SUGCT: variants seen among roughly 807,000 people sequenced by gnomAD.
SUGCT encodes succinyl-CoA:glutarate CoA-transferase.
In SUGCT, 41 loss-of-function variants were observed where a neutral mutation model predicts 55.0. The ratio of observed to expected loss-of-function variants is 0.74; its 90% CI spans 0.58 to 0.97. SUGCT has a LOEUF of 0.97. Ranked by LOEUF, SUGCT falls within the 50% of genes least tolerant of loss-of-function variation. SUGCT has a pLI of 0.00. For synonymous variants in SUGCT, 187 were observed against 200.4 expected (o/e 0.93, Z 0.56); for missense variants, 568 against 547.8 (o/e 1.04, Z -0.37).
At chr7:40,557,800 A>C (rs1795633915) in intron 12 of SUGCT, among the ~76,000 whole-genome samples, 1 of 151,838 alleles carries the variant, frequency 6.6e-6, no homozygotes, top group Admixed American at 6.6e-5. Context: ...AAAAGAAAAA[A>C]GACACTATCT....
the SUGCT span, among the ~76,000 whole-genome samples, chr7:40,898,262 C>A: frequency 6.6e-6 from 1 of 152,098 alleles, no homozygotes; most frequent in African/African-American, 2.4e-5. Flanking sequence ...TTCAGAGATA[C>A]CACAAACCCA....
chr7:40,630,274 C>G (rs777960246), intron 12 of SUGCT, among the ~76,000 whole-genome samples: 2 of 152,190 alleles, frequency 1.3e-5, no homozygotes, highest in Admixed American at 6.5e-5. Flanking sequence ...TATGAAGTCA[C>G]AACACAGAGG....
chr7:40,893,004 G>A, the SUGCT span, among the ~76,000 whole-genome samples: 6 of 152,156 alleles, frequency 3.9e-5, no homozygotes, highest in African/African-American at 1.2e-4. Flanking sequence ...TAACCAAAAG[G>A]GAGCAGGAGT....
chr7:40,333,678 T>C (rs1371573712), intron 9 of SUGCT, among the ~76,000 whole-genome samples: 2 of 92,404 alleles, frequency 2.2e-5, no homozygotes, highest in Non-Finnish European at 4.2e-5. Flanking sequence ...AATATATATA[T>C]ATATATATAT....
At chr7:40,951,829 A>G in the SUGCT span, among the ~76,000 whole-genome samples, 1 of 151,948 alleles carries the variant, frequency 6.6e-6, no homozygotes, top group Non-Finnish European at 1.5e-5. Context: ...AGTTTGTTAT[A>G]ATTTCTGTTC....
intron 9 of SUGCT, among the ~76,000 whole-genome samples, chr7:40,351,891 A>G (rs954296841): frequency 1.4e-4 from 22 of 152,280 alleles, no homozygotes; most frequent in African/African-American, 4.8e-4. Flanking sequence ...CTAGCTGCAC[A>G]TTAGAATTAC....
At chr7:40,821,528 C>T (rs1792011531) in intron 13 of SUGCT, among the ~76,000 whole-genome samples, 2 of 152,140 alleles carry the variant, frequency 1.3e-5, no homozygotes, top group East Asian at 1.9e-4. Context: ...TCCATTTCTT[C>T]TAGATTTTCT....
At chr7:40,689,435 A>G (rs546573352) in intron 12 of SUGCT, among the ~76,000 whole-genome samples, 3 of 152,228 alleles carry the variant, frequency 2.0e-5, no homozygotes, top group Non-Finnish European at 4.4e-5. Flanking sequence ...TGTCACTTTC[A>G]AGAGGATTAT....
At chr7:40,420,317 A>G (rs1039562110) in intron 9 of SUGCT, among the ~76,000 whole-genome samples, 4 of 151,824 alleles carry the variant, frequency 2.6e-5, no homozygotes, top group African/African-American at 9.7e-5. Flanking sequence ...AAGGAAGAGT[A>G]TGTAGTTTTT....
chr7:40,512,627 G>A (rs1174972184), intron 12 of SUGCT, among the ~76,000 whole-genome samples: 1 of 152,176 alleles, frequency 6.6e-6, no homozygotes, highest in South Asian at 2.1e-4. Context: ...GATAGTACAT[G>A]CATAAAGAAC....
At chr7:40,438,448 A>C (rs979009825) in intron 9 of SUGCT, among the ~76,000 whole-genome samples, 1 of 152,178 alleles carries the variant, frequency 6.6e-6, no homozygotes, top group Non-Finnish European at 1.5e-5. Flanking sequence ...GAGGTTTCTC[A>C]CGATGAGCGT....
At chr7:40,963,188 G>A in the SUGCT span, among the ~76,000 whole-genome samples, 7 of 151,022 alleles carry the variant, frequency 4.6e-5, no homozygotes, top group African/African-American at 7.3e-5. Context: ...CAAGAATATT[G>A]GTTTTTTTTT....
the SUGCT span, among the ~76,000 whole-genome samples, chr7:40,973,087 C>G: frequency 6.6e-6 from 1 of 152,088 alleles, no homozygotes; most frequent in South Asian, 2.1e-4. Context: ...TGGTGTCAAG[C>G]TGAAAATAGA....
At chr7:40,309,478 A>G (rs1316473476) in intron 8 of SUGCT, among the ~76,000 whole-genome samples, 1 of 152,102 alleles carries the variant, frequency 6.6e-6, no homozygotes, top group Admixed American at 6.6e-5. Context: ...TATTTTTAGT[A>G]GAGATGGGGT....
chr7:40,637,530 T>A (rs1317659971), intron 12 of SUGCT, among the ~76,000 whole-genome samples: 1 of 152,252 alleles, frequency 6.6e-6, no homozygotes, highest in African/African-American at 2.4e-5. Context: ...TGATATTTGT[T>A]GTTAATTCTT....
intron 8 of SUGCT, among the ~76,000 whole-genome samples, chr7:40,309,892 T>A (rs1795055119): frequency 1.4e-5 from 2 of 143,200 alleles, no homozygotes; most frequent in African/African-American, 2.6e-5. Flanking sequence ...AAAAAAGTAT[T>A]AAAAAAAAAA....
chr7:41,001,631 G>A, the SUGCT span, among the ~76,000 whole-genome samples: 1 of 152,180 alleles, frequency 6.6e-6, no homozygotes, highest in Non-Finnish European at 1.5e-5. Flanking sequence ...CCTGCAGACT[G>A]TGGGTTTCTT....
intron 12 of SUGCT, among the ~76,000 whole-genome samples, chr7:40,584,326 A>G (rs534545211): frequency 6.6e-6 from 1 of 152,350 alleles, no homozygotes; most frequent in East Asian, 1.9e-4. Flanking sequence ...CATGATTTAA[A>G]TTTAGTTAAT....
intron 13 of SUGCT, among the ~76,000 whole-genome samples, chr7:40,753,374 T>G (rs1209683580): frequency 6.6e-6 from 1 of 152,178 alleles, no homozygotes; most frequent in Non-Finnish European, 1.5e-5. Flanking sequence ...AAAGGTGACT[T>G]TTGCTACACT....
Sources: gnomAD v4.1 joint callset for allele counts (sites outside exome capture counted in the v4.1 genomes callset) on GRCh38, gnomAD v4.1.1 for gene constraint, MANE v1.5 for transcripts, NCBI Gene and HGNC (gene_info 2026-07-23, HGNC 2026-07-21) for gene names.